Variants in CDK14 observed in about 807,000 individuals in gnomAD.
CDK14 encodes the protein cyclin-dependent kinase 14.
In CDK14, 34 loss-of-function variants were observed where a neutral mutation model predicts 60.7. The ratio of observed to expected loss-of-function variants is 0.56; its 90% CI spans 0.43 to 0.75. The LOEUF (loss-of-function observed/expected upper bound fraction) is 0.75. Ranked by LOEUF, CDK14 falls within the 30% of genes least tolerant of loss-of-function variation. CDK14 has a pLI of 0.00. For synonymous variants in CDK14, 197 were observed against 203.7 expected, an observed-to-expected ratio of 0.97 and a Z score of 0.28; for missense variants, 482 against 564.1, an observed-to-expected ratio of 0.85 and a Z score of 1.47.
chr7:90,820,099 T>C (rs1227971950), intron 5 of CDK14, among the ~76,000 whole-genome samples: 1 of 152,170 alleles, frequency 6.6e-6, no homozygotes, highest in Non-Finnish European at 1.5e-5. Context: ...AGATTTTGTA[T>C]GCCCAGTTAA....
intron 5 of CDK14, among the ~76,000 whole-genome samples, chr7:90,834,465 T>C (rs1790025032): frequency 6.6e-6 from 1 of 152,072 alleles, no homozygotes; most frequent in Non-Finnish European, 1.5e-5. Context: ...GTATGAAAGA[T>C]GAGATTTTAT....
At chr7:90,871,218 T>C (rs1003345286) in intron 6 of CDK14, among the ~76,000 whole-genome samples, 1 of 152,074 alleles carries the variant, frequency 6.6e-6, no homozygotes, top group Admixed American at 6.6e-5. Flanking sequence ...GAAAAGAATA[T>C]AATAAAATGA....
At chr7:90,737,750 A>T (rs116975040) in intron 3 of CDK14, among the ~76,000 whole-genome samples, 2 of 152,304 alleles carry the variant, frequency 1.3e-5, no homozygotes, top group East Asian at 3.9e-4. Context: ...TCCTTATTTA[A>T]TGGAGTCACG....
chr7:90,970,300 C>G (rs920431638), intron 9 of CDK14, among the ~76,000 whole-genome samples: 2 of 152,164 alleles, frequency 1.3e-5, no homozygotes, highest in African/African-American at 2.4e-5. Flanking sequence ...CAGCCAACAT[C>G]ATATTTTCAG....
At chr7:90,815,901 A>C (rs1419666668) in intron 5 of CDK14, among the ~76,000 whole-genome samples, 1 of 151,034 alleles carries the variant, frequency 6.6e-6, no homozygotes, top group Non-Finnish European at 1.5e-5. Flanking sequence ...GTAACTTCAC[A>C]CACTGGGGCC....
chr7:91,059,784 T>C (rs2116106737), intron 11 of CDK14, among the ~76,000 whole-genome samples: 1 of 152,220 alleles, frequency 6.6e-6, no homozygotes, highest in East Asian at 1.9e-4. Context: ...TTGTTATAAT[T>C]TCTGTTCTTT....
chr7:90,704,200 T>C (rs1801846557), intron 2 of CDK14, among the ~76,000 whole-genome samples: 1 of 152,208 alleles, frequency 6.6e-6, no homozygotes, highest in Non-Finnish European at 1.5e-5. Flanking sequence ...AGAGTCATAA[T>C]TGTCAACTTT....
At chr7:90,743,616 TTCTC>T (rs1172583932) in intron 3 of CDK14, among the ~76,000 whole-genome samples, 3 of 152,180 alleles carry the variant, frequency 2.0e-5, no homozygotes, top group African/African-American at 7.2e-5. Flanking sequence ...TATCACTTCT[TTCTC>T]ACTTTATTGC....
chr7:90,990,365 GGTGAAGAACA>G (rs1795496777), intron 10 of CDK14, among the ~76,000 whole-genome samples: 1 of 152,008 alleles, frequency 6.6e-6, no homozygotes, highest in Non-Finnish European at 1.5e-5. Flanking sequence ...CACCTGTTAG[GGTGAAGAACA>G]TTGAAAATAT....
chr7:90,621,252 T>C (rs544709004), intron 2 of CDK14, among the ~76,000 whole-genome samples: 2 of 152,298 alleles, frequency 1.3e-5, no homozygotes, highest in South Asian at 4.1e-4. Flanking sequence ...TTCCCTTTCT[T>C]GTTTGCCTGC....
chr7:91,026,454 A>G (rs1321159614), intron 10 of CDK14, among the ~76,000 whole-genome samples: 2 of 152,256 alleles, frequency 1.3e-5, no homozygotes, highest in African/African-American at 4.8e-5. Flanking sequence ...GGATAGTCTT[A>G]TAGAAGTAAG....
chr7:91,083,048 T>G (rs571030213), intron 12 of CDK14, among the ~76,000 whole-genome samples: 83 of 152,300 alleles, frequency 5.4e-4, no homozygotes, highest in African/African-American at 2.0e-3. Flanking sequence ...CACTGTTATT[T>G]CACTAGGAGG....
chr7:91,036,045 T>G (rs537859728), intron 10 of CDK14, among the ~76,000 whole-genome samples: 1 of 152,042 alleles, frequency 6.6e-6, no homozygotes, highest in South Asian at 2.1e-4. Flanking sequence ...GGGTTTCACC[T>G]TGTTAGCCAG....
intron 2 of CDK14, among the ~76,000 whole-genome samples, chr7:90,653,588 A>G (rs1466254151): frequency 6.6e-6 from 1 of 152,016 alleles, no homozygotes; most frequent in Non-Finnish European, 1.5e-5. Flanking sequence ...ATCAAACTCC[A>G]TTTGAATGCA....
chr7:90,638,729 C>T (rs1290563281), intron 2 of CDK14, among the ~76,000 whole-genome samples: 1 of 152,194 alleles, frequency 6.6e-6, no homozygotes, highest in East Asian at 1.9e-4. Context: ...AGAGTGTTTT[C>T]CAACTTGGTT....
chr7:90,667,692 C>A lies in CDK14; in HGVS notation c.124-58875C>A, dbSNP rs1801013056. On this transcript the variant is annotated intron_variant, in intron 2 of 14. Transcript: ENST00000380050. ...TCACACCATTCTCCTGCCTCAACCTCCTGAGTAGCTGGGACTATAGGCGCC... is the reference window on the plus strand; with the variant it reads ...TCACACCATTCTCCTGCCTCAACCTACTGAGTAGCTGGGACTATAGGCGCC... Among the ~76,000 whole-genome samples the A allele has an allele frequency of 2.0e-5, 3 of 152,136 alleles. No individual in the cohort carries two copies. The South Asian group carries it at 6.2e-4, about 32-fold the overall frequency.
At chr7:90,724,572 A>G (rs1299727877) in intron 2 of CDK14, among the ~76,000 whole-genome samples, 1 of 151,692 alleles carries the variant, frequency 6.6e-6, no homozygotes, top group African/African-American at 2.4e-5. Flanking sequence ...TTAGTGTTAC[A>G]AATTTTCCTA....
At chr7:91,093,787 G>A (rs1798900692) in intron 12 of CDK14, among the ~76,000 whole-genome samples, 1 of 152,160 alleles carries the variant, frequency 6.6e-6, no homozygotes, top group Non-Finnish European at 1.5e-5. Flanking sequence ...GTGCCCATCA[G>A]TGTTGAACTG....
At position 90,726,792 on chromosome 7, in the gene CDK14, C is replaced by CGGCACTCCAGCCCCA. The variant is rs756211793; in HGVS notation, c.351_365dup (p.Arg117_Pro121dup). On this transcript the variant is annotated inframe_insertion, in exon 3 of 15. Coordinates refer to ENST00000380050, the MANE Select transcript of CDK14 (RefSeq NM_001287135.2). Reference sequence around the variant, plus strand: ...TGGCAAAGAGTCACCTAAAGTTAGGCGGCACTCCAGCCCCAGCTCGGTAAG... The same window carrying CGGCACTCCAGCCCCA: ...TGGCAAAGAGTCACCTAAAGTTAGGCGGCACTCCAGCCCCAGGCACTCCAGCCCCAGCTCGGTAAG... The CGGCACTCCAGCCCCA allele has an allele frequency of 4.3e-6, 7 of 1,613,526 alleles. No individual in the cohort carries two copies. The highest frequency in any genetic ancestry group is 5.9e-6 in the Non-Finnish European group (7 of 1,179,734).
Sources: allele counts gnomAD v4.1 joint callset (sites outside exome capture counted in the v4.1 genomes callset), GRCh38; gene constraint gnomAD v4.1.1; transcripts MANE v1.5; gene names NCBI Gene and HGNC (gene_info 2026-07-23, HGNC 2026-07-21).